Variants in USP35 observed in about 807,000 individuals in gnomAD.
USP35 encodes ubiquitin carboxyl-terminal hydrolase 35.
In USP35, 69 loss-of-function variants were observed where a neutral mutation model predicts 83.8. The observed-to-expected ratio is 0.82, with a 90% CI of 0.68 to 1.01. The LOEUF (loss-of-function observed/expected upper bound fraction) is 1.01, where lower values mean the gene tolerates loss of function less well. USP35 is among the 50% of genes least tolerant of loss of function. The pLI, the probability that USP35 is intolerant of heterozygous loss-of-function variation, is 0.00. For synonymous variants in USP35, 714 were observed against 589.5 expected, an observed-to-expected ratio of 1.21 and a Z score of -3.06; for missense variants, 1,503 against 1,362.5, an observed-to-expected ratio of 1.10 and a Z score of -1.62.
intron 2 of USP35, among the ~76,000 whole-genome samples, chr11:78,197,244 G>T (rs57180409): frequency 0.016 from 2,359 of 146,796 alleles, 85 homozygotes; most frequent in African/African-American, 0.056. Flanking sequence ...GAGGTGGGGG[G>T]GGGGGTCATT....
rs1050221976 is a variant in USP35 at position 78,215,076 on chromosome 11, G to T, written c.*1263G>T. Among the ~76,000 whole-genome samples, 1 of 152,096 alleles carries T rather than the reference G, an allele frequency of 6.6e-6. No homozygotes were observed. The highest frequency in any genetic ancestry group is 1.5e-5 in the Non-Finnish European group (1 of 68,012). On this transcript the variant is annotated 3_prime_UTR_variant, in exon 11 of 11. Coordinates refer to ENST00000529308, the MANE Select transcript of USP35 (RefSeq NM_020798.4). ...ACCTGTGAAAGCAGCAGACAGACAC[G>T]CCCAGAACCCATCTCTAGACGCCTA...
At chr11:78,220,524 A>C in the USP35 span, 1 of 1,267,302 alleles carries the variant, frequency 7.9e-7, no homozygotes, top group Non-Finnish European at 1.1e-6. Context: ...TCTGGGAGTA[A>C]GAACACTGTT....
At chr11:78,231,614 C>T in the USP35 span, among the ~76,000 whole-genome samples, 2 of 152,196 alleles carry the variant, frequency 1.3e-5, no homozygotes, top group African/African-American at 4.8e-5. Context: ...TCCCAAAGTG[C>T]TGGGATTACA....
At chr11:78,225,769 T>G in the USP35 span, among the ~76,000 whole-genome samples, 3 of 152,208 alleles carry the variant, frequency 2.0e-5, no homozygotes, top group African/African-American at 7.2e-5. Context: ...TTAACTGTCA[T>G]TGGCCTCATG....
At position 78,213,635 on chromosome 11, in the gene USP35, T is replaced by A. The variant is rs902217210; in HGVS notation, c.2890-11T>A. 18 of 1,475,430 alleles carry A rather than the reference T, an allele frequency of 1.2e-5. No homozygotes were observed. Among genetic ancestry groups the A allele is most frequent in the Non-Finnish European group, 1.8e-6 (2 of 1,118,518 alleles). The allele number at this position is 1,475,430 out of a possible 1,614,324, so 91.4% of individuals were successfully genotyped here. A position where few individuals can be genotyped will look rare whatever the true frequency, so the allele number is the denominator to read the frequency against. Reference sequence around the variant, plus strand: ...TTCTAAGTCTAAGTCTCCTCTCATCTGTGTTCCCAGGAGCAGGAGAAGGAG... The same window carrying A: ...TTCTAAGTCTAAGTCTCCTCTCATCAGTGTTCCCAGGAGCAGGAGAAGGAG... On this transcript the variant is annotated splice_polypyrimidine_tract_variant and intron_variant, in intron 10 of 10. Coordinates refer to ENST00000529308, the MANE Select transcript of USP35 (RefSeq NM_020798.4).
At position 78,213,450 on chromosome 11, in the gene USP35, T is replaced by TGA. The variant is rs1295183969; in HGVS notation, c.2890-196_2890-195insGA. On this transcript the variant is annotated intron_variant, in intron 10 of 10. Coordinates refer to ENST00000529308, the MANE Select transcript of USP35 (RefSeq NM_020798.4). ...TCAGCTGGCTCAGGGACTAGAGTTT[T>TGA]TATTGAGAGGAGGGGGTCTTTTGAA... Among the ~76,000 whole-genome samples, 1,140 of 151,428 alleles carry TGA rather than the reference T, an allele frequency of 7.5e-3. 16 individuals carry two copies. Among genetic ancestry groups the TGA allele is most frequent in the African/African-American group, 0.026 (1,065 of 40,752 alleles).
chr11:78,225,749 T>C, the USP35 span, among the ~76,000 whole-genome samples: 4 of 152,194 alleles, frequency 2.6e-5, no homozygotes, highest in African/African-American at 9.7e-5. Flanking sequence ...TGCAACTCTA[T>C]TTAAGTCTCT....
the USP35 span, chr11:78,226,546 T>G: frequency 6.2e-7 from 1 of 1,605,266 alleles, no homozygotes; most frequent in East Asian, 2.3e-5. Flanking sequence ...CTATTTTCAC[T>G]GATTGGCGGT....
At chr11:78,195,861 G>C (rs1349284734) in intron 1 of USP35, among the ~76,000 whole-genome samples, 2 of 152,096 alleles carry the variant, frequency 1.3e-5, no homozygotes, top group Non-Finnish European at 2.9e-5. Flanking sequence ...CTCCAGAGTA[G>C]CTGGCATTAC....
chr11:78,195,826 GC>G (rs1226771238), intron 1 of USP35, among the ~76,000 whole-genome samples: 1 of 152,162 alleles, frequency 6.6e-6, no homozygotes, highest in Non-Finnish European at 1.5e-5. Context: ...GAACTCCCAG[GC>G]CCAAGCGAGC....
chr11:78,204,201 G>A (rs957331188), intron 6 of USP35, among the ~76,000 whole-genome samples: 5 of 152,196 alleles, frequency 3.3e-5, no homozygotes, highest in Non-Finnish European at 7.3e-5. Flanking sequence ...ATTTTTCTTT[G>A]AATGTTAGAA....
At chr11:78,216,870 C>G (rs1864175168), downstream of USP35, 1 of 152,234 alleles carries the variant, frequency 6.6e-6, no homozygotes. Context: ...CAGAGTGAAC[C>G]AGCACCCTGC....
chr11:78,222,083 AC>A, the USP35 span: 1 of 1,518,226 alleles, frequency 6.6e-7, no homozygotes, highest in Non-Finnish European at 9.2e-7. Flanking sequence ...CCAAGCTCCC[AC>A]CCCCACACAT....
chr11:78,202,128 G>GGAGT (rs1449369202), intron 6 of USP35, among the ~76,000 whole-genome samples: 2 of 152,204 alleles, frequency 1.3e-5, no homozygotes, highest in Non-Finnish European at 1.5e-5. Flanking sequence ...TTTTTCCTCT[G>GGAGT]GAGTGAGGCA....
chr11:78,201,009 G>A (rs950826848), intron 6 of USP35, among the ~76,000 whole-genome samples: 5 of 152,220 alleles, frequency 3.3e-5, no homozygotes, highest in African/African-American at 1.2e-4. Context: ...CTGCCTCATG[G>A]CTGCTCTGGG....
the USP35 span, chr11:78,222,334 G>A: frequency 7.8e-6 from 5 of 638,684 alleles, no homozygotes; most frequent in East Asian, 2.8e-5. Flanking sequence ...GACGCTCAGC[G>A]AGGTTGTATA....
intron 1 of USP35, among the ~76,000 whole-genome samples, chr11:78,190,953 T>C (rs1862985067): frequency 1.3e-5 from 2 of 152,230 alleles, no homozygotes; most frequent in Non-Finnish European, 2.9e-5. Flanking sequence ...AGGGCTTGCA[T>C]GTCCGGCTCA....
downstream of USP35, chr11:78,220,183 C>T: frequency 1.2e-6 from 1 of 823,794 alleles, no homozygotes; most frequent in East Asian, 2.5e-5. Flanking sequence ...ACTAAAGATG[C>T]ATCATAAAAG....
At position 78,200,731 on chromosome 11, in the gene USP35, G is replaced by T; in HGVS notation, c.1120G>T (p.Ala374Ser). 1 of 1,614,212 alleles carries T rather than the reference G, an allele frequency of 6.2e-7. No homozygotes were observed. Among genetic ancestry groups the T allele is most frequent in the Non-Finnish European group, 8.5e-7 (1 of 1,180,030 alleles). ...GGGGACCAGCTGCCTGGAGCAGCTG[G>T]CGGAGCTGGTCCACTGCATGGTGTT... ...NSGTSCLEQLAELVHCMVFRF... is the reference protein window; with the variant it reads ...NSGTSCLEQLSELVHCMVFRF... The change falls in exon 6 of 11, where the codon GCG becomes TCG. Residue 374 changes from alanine (A) to serine (S), a missense_variant. Ala to Ser is a moderately conservative substitution (Grantham distance 99). Coordinates refer to ENST00000529308, the MANE Select transcript of USP35 (RefSeq NM_020798.4).
Sources: allele counts gnomAD v4.1 joint callset (sites outside exome capture counted in the v4.1 genomes callset), GRCh38; gene constraint gnomAD v4.1.1; transcripts MANE v1.5; gene names NCBI Gene and HGNC (gene_info 2026-07-23, HGNC 2026-07-21).